The following GRIK3 variants were observed in gnomAD, a reference collection of about 807,000 sequenced individuals.
GRIK3 encodes the protein glutamate ionotropic receptor kainate type subunit 3, also known as glutamate receptor ionotropic, kainate 3.
GRIK3 carries 29 observed loss-of-function variants against 102.5 expected under a neutral mutation model. The ratio of observed to expected loss-of-function variants is 0.28; its 90% confidence interval spans 0.21 to 0.39. The LOEUF (loss-of-function observed/expected upper bound fraction) is 0.39. GRIK3 is among the 10% of genes least tolerant of loss of function. GRIK3 has a pLI of 1.00. For missense variants in GRIK3, 908 were observed against 1,252.4 expected (o/e 0.73, Z 4.15); for synonymous variants, 511 against 504.9 (o/e 1.01, Z -0.16).
intron 13 of GRIK3, among the ~76,000 whole-genome samples, chr1:36,809,160 TCCATCCATCCATCCATCCACCCAC>T (rs1398824720): frequency 6.6e-6 from 1 of 151,204 alleles, no homozygotes; most frequent in African/African-American, 2.4e-5. Context: ...AACCCATCCA[TCCATCCATCCATCCATCCACCCAC>T]CCATCCATCC....
At chr1:36,979,067 T>C (rs1367224407) in intron 1 of GRIK3, among the ~76,000 whole-genome samples, 1 of 152,244 alleles carries the variant, frequency 6.6e-6, no homozygotes, top group Non-Finnish European at 1.5e-5. Flanking sequence ...CTTACAATGT[T>C]GGAGCAGTAC....
At chr1:36,957,395 A>G (rs12407511) in intron 1 of GRIK3, among the ~76,000 whole-genome samples, 329 of 34,166 alleles carry the variant, frequency 9.6e-3, no homozygotes, top group East Asian at 0.014. Flanking sequence ...TGCTCTGTGA[A>G]TCTGTGCCCC....
chr1:36,892,707 G>A (rs1641131339), intron 1 of GRIK3, among the ~76,000 whole-genome samples: 1 of 152,150 alleles, frequency 6.6e-6, no homozygotes, highest in Non-Finnish European at 1.5e-5. Context: ...GTATCTGGAA[G>A]ACTAAACATG....
chr1:36,853,956 T>C (rs1035471840), intron 7 of GRIK3, among the ~76,000 whole-genome samples: 1 of 152,198 alleles, frequency 6.6e-6, no homozygotes, highest in African/African-American at 2.4e-5. Flanking sequence ...GTGTACAACA[T>C]CGATCTTGGA....
At position 36,992,894 on chromosome 1, in the gene GRIK3, G is replaced by T. The variant is rs114381265; in HGVS notation, c.115+41100C>A. Among the ~76,000 whole-genome samples the T allele has an allele frequency of 3.7e-3, 568 of 152,220 alleles. 5 individuals are homozygous for T. The highest frequency in any genetic ancestry group is 0.013 in the African/African-American group (550 of 41,546). On this transcript the variant is annotated intron_variant, in intron 1 of 15. Coordinates refer to ENST00000373091, the MANE Select transcript of GRIK3 (RefSeq NM_000831.4). ...TTGGAACTGGACAGTCTGATCCCAG[G>T]GCCTGAACTCTTGTTACTTTACTGC...
chr1:36,988,418 A>T (rs1642328971), intron 1 of GRIK3, among the ~76,000 whole-genome samples: 1 of 152,240 alleles, frequency 6.6e-6, no homozygotes, highest in Non-Finnish European at 1.5e-5. Context: ...TCTCTGGGGC[A>T]GCAGGAAGAA....
chr1:36,983,721 C>T (rs1046113780), intron 1 of GRIK3, among the ~76,000 whole-genome samples: 5 of 152,136 alleles, frequency 3.3e-5, no homozygotes, highest in Non-Finnish European at 7.4e-5. Context: ...CCTTGACCCC[C>T]CCAGTTTAAA....
At chr1:36,941,025 C>T (rs1570811104) in intron 1 of GRIK3, among the ~76,000 whole-genome samples, 1 of 152,200 alleles carries the variant, frequency 6.6e-6, no homozygotes, top group Admixed American at 6.5e-5. Flanking sequence ...GCCTATTAGA[C>T]CCCCTGACCT....
At chr1:36,841,468 G>A (rs955663256) in intron 10 of GRIK3, among the ~76,000 whole-genome samples, 4 of 152,196 alleles carry the variant, frequency 2.6e-5, no homozygotes, top group African/African-American at 7.2e-5. Context: ...AGATGCCAGT[G>A]GGGCCGGCTC....
At chr1:37,011,967 C>T (rs1642601061) in intron 1 of GRIK3, among the ~76,000 whole-genome samples, 1 of 152,110 alleles carries the variant, frequency 6.6e-6, no homozygotes. Context: ...TCCCATGCAC[C>T]ACCTCCCCCA....
intron 1 of GRIK3, among the ~76,000 whole-genome samples, chr1:36,963,851 C>A (rs1642052681): frequency 6.6e-6 from 1 of 152,194 alleles, no homozygotes; most frequent in East Asian, 1.9e-4. Flanking sequence ...ACAAGGGCCT[C>A]CCAAAGCAGG....
At chr1:36,854,586 T>G (rs964825054) in intron 7 of GRIK3, among the ~76,000 whole-genome samples, 3 of 152,160 alleles carry the variant, frequency 2.0e-5, no homozygotes, top group Non-Finnish European at 2.9e-5. Context: ...TGTAAATGGT[T>G]TATTAGCTCA....
chr1:36,820,688 A>AT (rs1173477469), intron 11 of GRIK3, among the ~76,000 whole-genome samples: 1 of 152,266 alleles, frequency 6.6e-6, no homozygotes, highest in Non-Finnish European at 1.5e-5. Flanking sequence ...TTTATAAAAT[A>AT]TTCAGACAGT....
intron 1 of GRIK3, among the ~76,000 whole-genome samples, chr1:37,004,258 T>C (rs1345077817): frequency 6.6e-6 from 1 of 152,182 alleles, no homozygotes; most frequent in African/African-American, 2.4e-5. Context: ...TGAGTCTCAA[T>C]GTCCTTATCT....
chr1:37,021,732 C>T (rs962297930), intron 1 of GRIK3, among the ~76,000 whole-genome samples: 1 of 152,148 alleles, frequency 6.6e-6, no homozygotes, highest in African/African-American at 2.4e-5. Context: ...GGGGCCTGGC[C>T]TCAGGGGAGA....
intron 1 of GRIK3, among the ~76,000 whole-genome samples, chr1:36,943,684 A>G (rs1413651786): frequency 6.6e-6 from 1 of 152,236 alleles, no homozygotes; most frequent in Admixed American, 6.5e-5. Context: ...AAATGAACGA[A>G]TAGTAGCAGA....
intron 1 of GRIK3, among the ~76,000 whole-genome samples, chr1:37,023,298 G>A (rs1218827277): frequency 6.7e-6 from 1 of 149,716 alleles, no homozygotes; most frequent in Non-Finnish European, 1.5e-5. Context: ...CTGCACTCCA[G>A]CCTAAGCAAC....
rs568695124 is a variant in GRIK3, at chr1:36,948,141, A to AGT, written c.116-57046_116-57045insAC. Reference sequence around the variant, plus strand: ...GCTCCCCCATGCAACACCTGGTATCAAACTGGGGCAGTACTAGGTACTCAG... The same window carrying AGT: ...GCTCCCCCATGCAACACCTGGTATCAGTAACTGGGGCAGTACTAGGTACTCAG... On this transcript the variant is annotated intron_variant, in intron 1 of 15. Coordinates refer to ENST00000373091, the MANE Select transcript of GRIK3 (RefSeq NM_000831.4). Among the ~76,000 whole-genome samples, 175 of 152,356 alleles carry AGT rather than the reference A, an allele frequency of 1.1e-3. 2 individuals are homozygous for AGT. The South Asian group carries it at 0.03, about 26-fold the overall frequency.
At chr1:36,832,287 A>C (rs1253198208) in intron 10 of GRIK3, among the ~76,000 whole-genome samples, 6 of 151,780 alleles carry the variant, frequency 4.0e-5, no homozygotes, top group Admixed American at 3.3e-4. Context: ...TTTCATAGAG[A>C]CTCTGGGAAT....
Sources: gnomAD v4.1 joint callset for allele counts (sites outside exome capture counted in the v4.1 genomes callset) on GRCh38, gnomAD v4.1.1 for gene constraint, MANE v1.5 for transcripts, NCBI Gene and HGNC (gene_info 2026-07-23, HGNC 2026-07-21) for gene names.